Variants in FABP4 observed in about 807,000 individuals in gnomAD.
FABP4 encodes fatty acid binding protein 4.
FABP4 carries 17 observed loss-of-function variants against 14.6 expected under a neutral mutation model. That is an observed-to-expected ratio of 1.16 (90% CI 0.80 to 1.74). The LOEUF (loss-of-function observed/expected upper bound fraction) is 1.74. Among genes scored for constraint, FABP4 ranks in the 40% most tolerant of loss-of-function variants. The probability of loss-of-function intolerance (pLI) is 0.00; values close to 1 mark genes in which losing one functional copy is unlikely to be tolerated. For missense variants in FABP4, 149 were observed against 160.3 expected (o/e 0.93, Z 0.38); for synonymous variants, 54 against 54.6 (o/e 0.99, Z 0.05).
chr8:81,478,616 A>T lies in FABP4; in HGVS notation c.*249T>A. The T allele has an allele frequency of 2.7e-6, 1 of 375,652 alleles. No homozygotes were observed. The allele number at this position is 375,652 out of a possible 1,614,324, so 23.3% of individuals were successfully genotyped here. ...CATATCAGAACAAAGAAATAATGCAAATTTCCCATTTCCTTCACTCAGTTA... is the reference window on the plus strand; with the variant it reads ...CATATCAGAACAAAGAAATAATGCATATTTCCCATTTCCTTCACTCAGTTA... On this transcript the variant is annotated 3_prime_UTR_variant, in exon 4 of 4. Transcript: ENST00000256104.
At position 81,478,898 on chromosome 8, in the gene FABP4, G is replaced by A. The variant is rs78108930; in HGVS notation, c.366C>T (p.Gly122=). ...TCTCATAAACTCTCGTGGAAGTGAC[G>A]CCTTTCATGACGCATTCCTAGACAC... ...DKLVVECVMK[G]VTSTRVYERA The change falls in exon 4 of 4, where the codon GGC becomes GGT. Residue 122 remains glycine (G), a synonymous_variant. Coordinates refer to ENST00000256104, the MANE Select transcript of FABP4 (RefSeq NM_001442.3). 1.7e-3 allele frequency: 2,822 copies of A among 1,613,098 alleles called. 46 individuals are homozygous for A. The African/African-American group carries it at 0.031, about 18-fold the overall frequency.
chr8:81,480,767 T>TTAAA (rs1401566750), intron 1 of FABP4, among the ~76,000 whole-genome samples, 169 bp from the exon 2 acceptor site: 2 of 134,232 alleles, frequency 1.5e-5, no homozygotes, highest in Admixed American at 7.5e-5. Flanking sequence ...AGGCCAATAC[T>TTAAA]TAAAAAAAAA....
intron 2 of FABP4, 125 bp from the exon 3 acceptor site, chr8:81,479,640 G>C: frequency 1.7e-6 from 1 of 592,174 alleles, no homozygotes; most frequent in Non-Finnish European, 2.9e-6. Context: ...AGAATATATT[G>C]CAACAAGAAA....
intron 3 of FABP4, 63 bp from the exon 4 acceptor site, chr8:81,478,978 C>A: frequency 1.5e-6 from 2 of 1,367,124 alleles, no homozygotes; most frequent in South Asian, 2.4e-5. Flanking sequence ...TTTATTGTCT[C>A]TCTGAATGTT....
intron 1 of FABP4, among the ~76,000 whole-genome samples, chr8:81,482,394 C>T (rs1487448989): frequency 6.6e-6 from 1 of 152,130 alleles, no homozygotes; most frequent in Non-Finnish European, 1.5e-5. Flanking sequence ...GACATTCATC[C>T]AATGACATGC....
chr8:81,480,768 T>TAAATAAA (rs773886233), intron 1 of FABP4, among the ~76,000 whole-genome samples, 170 bp from the exon 2 acceptor site: 46 of 130,298 alleles, frequency 3.5e-4, no homozygotes, highest in East Asian at 3.3e-3. Context: ...GGCCAATACT[T>TAAATAAA]AAAAAAAAAA....
In FABP4 at chr8:81,479,395, G is replaced by C. The variant is rs771076130; in HGVS notation, c.348+19C>G. On this transcript the variant is annotated intron_variant, in intron 3 of 3. Transcript: ENST00000256104. ...ACCTAGCAGTAAGATCCAGAATTAAGTAGCTAGAAGATACTCACCACCACC... is the reference window on the plus strand; with the variant it reads ...ACCTAGCAGTAAGATCCAGAATTAACTAGCTAGAAGATACTCACCACCACC... 6.3e-7 allele frequency: 1 copy of C among 1,577,290 alleles called. No homozygotes were observed.
rs1337044655 is a variant in FABP4 at position 81,483,090 on chromosome 8, C to G, written c.73+5G>C. ...ATCCAGTCATTCCACAACGCATTTC[C>G]TTACCTACTTCTTTCATATAATCAT... On this transcript the variant is annotated splice_donor_5th_base_variant and intron_variant, in intron 1 of 3. Transcript: ENST00000256104. 6.2e-7 allele frequency: 1 copy of G among 1,604,620 alleles called. No homozygotes were observed. The highest frequency in any genetic ancestry group is 2.2e-5 in the East Asian group (1 of 44,736).
Position 81,479,491 on chromosome 8 carries a change from C to A in FABP4, c.271G>T (p.Val91Phe). 6.2e-7 allele frequency: 1 copy of A among 1,613,284 alleles called. No homozygotes were observed. The highest frequency in any genetic ancestry group is 1.3e-5 in the African/African-American group (1 of 74,976). ...VKSTITLDGG[V>F]LVHVQKWDGK... is the part of the protein sequence containing the mutation. ...TCCCATTTCTGCACATGTACCAGGA[C>A]ACCCCCATCTAAGGTTATGGTGCTC... Residue 91 changes from valine (V) to phenylalanine (F), a missense_variant, in exon 3 of 4, where the codon GTC becomes TTC. Coordinates refer to ENST00000256104, the MANE Select transcript of FABP4 (RefSeq NM_001442.3).
Position 81,478,867 on chromosome 8 carries a change from A to T in FABP4, c.397T>A (p.Ter133LysextTer5), listed in dbSNP as rs763577068. The change falls in exon 4 of 4, where the codon TAA becomes AAA. Residue 133 changes from the stop codon to lysine (K), a stop_lost. Coordinates refer to ENST00000256104, the MANE Select transcript of FABP4 (RefSeq NM_001442.3). ...AGTCCAGGTCAACGTCCCTTGGCTT[A>T]TGCTCTCTCATAAACTCTCGTGGAA... ...VTSTRVYERA* is the reference protein window; with the variant it reads ...VTSTRVYERAK 6.2e-7 allele frequency: 1 copy of T among 1,613,054 alleles called. No individual in the cohort carries two copies. The highest frequency in any genetic ancestry group is 1.1e-5 in the South Asian group (1 of 90,992).
chr8:81,479,626 G>A (rs1284976508), intron 2 of FABP4, 111 bp from the exon 3 acceptor site: 1 of 677,900 alleles, frequency 1.5e-6, no homozygotes, highest in Non-Finnish European at 2.5e-6. Context: ...AATTCTAAAT[G>A]ACAAGAATAT....
intron 1 of FABP4, among the ~76,000 whole-genome samples, chr8:81,481,533 T>C (rs575292893): frequency 3.5e-4 from 53 of 152,194 alleles, no homozygotes; most frequent in Non-Finnish European, 7.2e-4. Context: ...ATGGCAGTCA[T>C]AGATTTGCTG....
rs17848127 is a variant in FABP4, at chr8:81,480,640, C to T, written c.74-42G>A. On this transcript the variant is annotated intron_variant, in intron 1 of 3. Coordinates refer to ENST00000256104, the MANE Select transcript of FABP4 (RefSeq NM_001442.3). ...AAAAGATGTCAGATTTACATTTTCT[C>T]TCACGTACTTATCCAAGTCAGAGAA... 1.7e-5 allele frequency: 26 copies of T among 1,559,146 alleles called. No individual in the cohort carries two copies. In the East Asian group the frequency reaches 5.7e-4, roughly 34 times the overall value.
chr8:81,482,802 A>G (rs927503941), intron 1 of FABP4, among the ~76,000 whole-genome samples: 8 of 152,338 alleles, frequency 5.3e-5, no homozygotes, highest in Non-Finnish European at 8.8e-5. Flanking sequence ...TAAACCAAGG[A>G]TACCCAAGTT....
rs1246312270 is a variant in FABP4 at position 81,480,610 on chromosome 8, A to G, written c.74-12T>C. The G allele has an allele frequency of 1.3e-6, 2 of 1,599,412 alleles. No homozygotes were observed. The highest frequency in any genetic ancestry group is 1.1e-5 in the South Asian group (1 of 88,794). On this transcript the variant is annotated splice_polypyrimidine_tract_variant and intron_variant, in intron 1 of 3. Coordinates refer to ENST00000256104, the MANE Select transcript of FABP4 (RefSeq NM_001442.3). ...GGCAAAGCCCACTCCTACAGTTAGGAAAAGAAAAGATGTCAGATTTACATT... is the reference window on the plus strand; with the variant it reads ...GGCAAAGCCCACTCCTACAGTTAGGGAAAGAAAAGATGTCAGATTTACATT...
At chr8:81,481,760 C>T (rs909810482) in intron 1 of FABP4, among the ~76,000 whole-genome samples, 25 of 152,132 alleles carry the variant, frequency 1.6e-4, no homozygotes, top group African/African-American at 5.1e-4. Context: ...GAGTCCACTT[C>T]GTGAATGCAG....
At chr8:81,480,686 C>A (rs987593428) in intron 1 of FABP4, 88 bp from the exon 2 acceptor site, 2 of 1,196,004 alleles carry the variant, frequency 1.7e-6, no homozygotes. Context: ...CACACAGGTG[C>A]ATGTGCAGGA....
At position 81,478,978 on chromosome 8, in the gene FABP4, C is replaced by T; in HGVS notation, c.349-63G>A. The stretch of plus-strand genomic sequence containing the variant: ...TAAACCATGGATTTATTTATTGTCT[C>T]TCTGAATGTTGGGAATAAAACAATA... On this transcript the variant is annotated intron_variant, in intron 3 of 3. Transcript: ENST00000256104. The T allele has an allele frequency of 1.2e-5, 16 of 1,367,124 alleles. No homozygotes were observed. In the South Asian group the frequency reaches 1.6e-4, roughly 14 times the overall value. The allele number at this position is 1,367,124 out of a possible 1,614,324, so 84.7% of individuals were successfully genotyped here. A position where few individuals can be genotyped will look rare whatever the true frequency, so the allele number is the denominator to read the frequency against.
chr8:81,481,074 G>T (rs1808072462), intron 1 of FABP4, among the ~76,000 whole-genome samples: 1 of 152,114 alleles, frequency 6.6e-6, no homozygotes, highest in African/African-American at 2.4e-5. Flanking sequence ...ACAGAATTTT[G>T]GGGGTTAATG....
Sources: allele counts gnomAD v4.1 joint callset (sites outside exome capture counted in the v4.1 genomes callset), GRCh38; gene constraint gnomAD v4.1.1; transcripts MANE v1.5; gene names NCBI Gene and HGNC (gene_info 2026-07-23, HGNC 2026-07-21).